MAGOHB: variants seen among roughly 807,000 people sequenced by gnomAD.
MAGOHB encodes mago homolog B, exon junction complex subunit, also known as protein mago nashi homolog 2.
A neutral mutation model predicts 20.9 loss-of-function variants in MAGOHB; 15 were observed. That is an observed-to-expected ratio of 0.72 (90% CI 0.48 to 1.11). The LOEUF (loss-of-function observed/expected upper bound fraction) is 1.11. MAGOHB is among the 50% of genes least tolerant of loss of function. MAGOHB has a pLI of 0.00. For missense variants in MAGOHB, 162 were observed against 177.6 expected, an observed-to-expected ratio of 0.91 and a Z score of 0.50; for synonymous variants, 50 against 57.9, an observed-to-expected ratio of 0.86 and a Z score of 0.62.
At chr12:10,606,768 T>TA (rs564278730) in intron 4 of MAGOHB, among the ~76,000 whole-genome samples, 114 of 145,982 alleles carry the variant, frequency 7.8e-4, no homozygotes, top group East Asian at 9.8e-4. Context: ...CCCACAGCAT[T>TA]AAAAAAAAAA....
intron 4 of MAGOHB, among the ~76,000 whole-genome samples, chr12:10,607,061 T>C (rs573033851): frequency 6.6e-6 from 1 of 152,280 alleles, no homozygotes; most frequent in African/African-American, 2.4e-5. Flanking sequence ...CCTTACCAAA[T>C]GTAGGAAAAG....
At chr12:10,613,250 C>T (rs983048864) in intron 1 of MAGOHB, among the ~76,000 whole-genome samples, 189 bp downstream of exon 1, 3 of 152,182 alleles carry the variant, frequency 2.0e-5, no homozygotes, top group African/African-American at 7.2e-5. Context: ...CAGTTTGTGA[C>T]AGGATTAGCT....
At chr12:10,613,281 C>A (rs975126220) in intron 1 of MAGOHB, among the ~76,000 whole-genome samples, 158 bp downstream of exon 1, 1 of 152,180 alleles carries the variant, frequency 6.6e-6, no homozygotes, top group Non-Finnish European at 1.5e-5. Flanking sequence ...GCAATTAATT[C>A]TCTTTCATTT....
At chr12:10,610,383 T>C (rs1207387005) in intron 2 of MAGOHB, among the ~76,000 whole-genome samples, 1 of 152,106 alleles carries the variant, frequency 6.6e-6, no homozygotes, top group Non-Finnish European at 1.5e-5. Flanking sequence ...TGTCCCTAAA[T>C]CAATAAATCA....
Position 10,612,247 on chromosome 12 carries a change from T to TAACATAACATA in MAGOHB, c.94+1191_94+1192insTATGTTATGTT, listed in dbSNP as rs1555146632. Among the ~76,000 whole-genome samples the TAACATAACATA allele has an allele frequency of 2.8e-3, 395 of 139,060 alleles. 4 individuals are homozygous for TAACATAACATA. The highest frequency in any genetic ancestry group is 9.7e-3 in the African/African-American group (370 of 38,168). 91.2% of individuals were successfully genotyped at this position (139,060 alleles called of 152,430 possible). ...TAACATAACATAACATAACATAACA[T>TAACATAACATA]AATTAGCTGGGTGAGGTGGCGTGGG... On this transcript the variant is annotated intron_variant, in intron 1 of 4. Transcript: ENST00000320756.
In MAGOHB at chr12:10,605,910, G is replaced by A. The variant is rs1865620694; in HGVS notation, c.*365C>T. On this transcript the variant is annotated 3_prime_UTR_variant, in exon 5 of 5. Coordinates refer to ENST00000320756, the MANE Select transcript of MAGOHB (RefSeq NM_018048.5). ...ATCTGGCTACATAGTTCCACCTAAA[G>A]TATCTTCTGTCACAGGATATATCTA... 1 of 153,216 alleles carries A rather than the reference G, an allele frequency of 6.5e-6. No homozygotes were observed. The highest frequency in any genetic ancestry group is 2.4e-5 in the African/African-American group (1 of 41,304). The allele number at this position is 153,216 out of a possible 1,614,324, so 9.5% of individuals were successfully genotyped here.
Position 10,604,467 on chromosome 12 carries a change from G to T in MAGOHB, c.*1808C>A, listed in dbSNP as rs1865589578. On this transcript the variant is annotated 3_prime_UTR_variant, in exon 5 of 5. Transcript: ENST00000320756. ...AGAGCTAAATAAACGAAAACGTAAG[G>T]AAGTTAGAGAACGGGGACAAAGACT... is the stretch of plus-strand genomic sequence containing the variant. 6.6e-6 allele frequency: 1 copy of T among 152,148 alleles called. No homozygotes were observed. Among genetic ancestry groups the T allele is most frequent in the Non-Finnish European group, 1.5e-5 (1 of 68,038 alleles). 9.4% of individuals were successfully genotyped at this position (152,148 alleles called of 1,614,324 possible). A position where few individuals can be genotyped will look rare whatever the true frequency, so the allele number is the denominator to read the frequency against.
At chr12:10,602,762 C>T (rs1353466504), downstream of MAGOHB, among the ~76,000 whole-genome samples, 1 of 152,170 alleles carries the variant, frequency 6.6e-6, no homozygotes, top group Non-Finnish European at 1.5e-5. Flanking sequence ...TTTACTCATT[C>T]CTTTCTGACC....
chr12:10,613,050 C>A, intron 1 of MAGOHB: 1 of 858,142 alleles, frequency 1.2e-6, no homozygotes, highest in South Asian at 1.6e-5. Flanking sequence ...TTGGGCTCCT[C>A]CCCTTCAAAG....
Position 10,606,286 on chromosome 12 carries a change from T to G in MAGOHB, c.436A>C (p.Lys146Gln), listed in dbSNP as rs751788925. 6.6e-7 allele frequency: 1 copy of G among 1,506,438 alleles called. No homozygotes were observed. The highest frequency in any genetic ancestry group is 1.2e-5 in the South Asian group (1 of 81,206). The allele number at this position is 1,506,438 out of a possible 1,614,324, so 93.3% of individuals were successfully genotyped here. The change falls in exon 5 of 5, where the codon AAA becomes CAA. Residue 146 changes from lysine to glutamine, a missense_variant. Physicochemically the swap from Lys to Gln is moderately conservative, Grantham distance 53 (BLOSUM62 1). Transcript: ENST00000320756. The stretch of plus-strand genomic sequence containing the variant: ...TGAAAACATACAATTTAAATTGGTT[T>G]AATCTTGAAGTGTAATCCAATAAGA... Reference protein sequence around the residue: ...FSLIGLHFKIKPI With the variant: ...FSLIGLHFKIQPI
In MAGOHB at chr12:10,613,527, A is replaced by T. The variant is rs374405006; in HGVS notation, c.6T>A (p.Ala2=). ...AGCGCAGGTAGAAATCGCTAGCCAC[A>T]GCCATTTTTGTACCCGGGAAGCCCG... M[A]VASDFYLRYY... Residue 2 remains alanine, a synonymous_variant, in exon 1 of 5, where the codon GCT becomes GCA. Coordinates refer to ENST00000320756, the MANE Select transcript of MAGOHB (RefSeq NM_018048.5). 1 of 1,613,574 alleles carries T rather than the reference A, an allele frequency of 6.2e-7. No homozygotes were observed. The highest frequency in any genetic ancestry group is 8.5e-7 in the Non-Finnish European group (1 of 1,179,508).
At chr12:10,601,811 T>C (rs1466808255), downstream of MAGOHB, among the ~76,000 whole-genome samples, 2 of 152,236 alleles carry the variant, frequency 1.3e-5, no homozygotes, top group Admixed American at 6.5e-5. Flanking sequence ...ACACGCTTCA[T>C]AGGCTAGGAC....
downstream of MAGOHB, among the ~76,000 whole-genome samples, chr12:10,603,323 A>G (rs1865572560): frequency 6.6e-6 from 1 of 151,662 alleles, no homozygotes; most frequent in South Asian, 2.1e-4. Flanking sequence ...CAAAAAAAAA[A>G]AAAAAAAAAA....
intron 1 of MAGOHB, among the ~76,000 whole-genome samples, chr12:10,612,432 A>G (rs1026442): frequency 0.21 from 31,538 of 151,786 alleles, 4,945 homozygotes; most frequent in East Asian, 0.81. Flanking sequence ...GCAGGACTGT[A>G]GTTAACGTGA....
intron 2 of MAGOHB, 128 bp downstream of exon 2, chr12:10,610,494 T>C: frequency 9.0e-7 from 1 of 1,115,324 alleles, no homozygotes; most frequent in Non-Finnish European, 1.2e-6. Flanking sequence ...TCTTTCAATC[T>C]ATAAATTGCC....
chr12:10,600,971 A>G (rs7313116), downstream of MAGOHB, among the ~76,000 whole-genome samples: 10,242 of 152,254 alleles, frequency 0.067, 1,134 homozygotes, highest in African/African-American at 0.23. Context: ...ATTTTACTCA[A>G]TAATGTAGGC....
intron 1 of MAGOHB, among the ~76,000 whole-genome samples, chr12:10,611,285 C>T (rs1389077772): frequency 1.3e-5 from 2 of 152,116 alleles, no homozygotes; most frequent in African/African-American, 4.8e-5. Context: ...AGCATACAAA[C>T]GATGCTTCTG....
At chr12:10,610,897 C>T (rs7953357) in intron 1 of MAGOHB, among the ~76,000 whole-genome samples, 2,315 of 152,204 alleles carry the variant, frequency 0.015, 71 homozygotes, top group African/African-American at 0.053. Context: ...ACAGCCCATG[C>T]CTACAATATA....
At position 10,610,589 on chromosome 12, in the gene MAGOHB, A is replaced by G. The variant is rs773195864; in HGVS notation, c.153+33T>C. On this transcript the variant is annotated intron_variant, in intron 2 of 4. Coordinates refer to ENST00000320756, the MANE Select transcript of MAGOHB (RefSeq NM_018048.5). The stretch of plus-strand genomic sequence containing the variant: ...AATGGGCTAAATGCAAAAAAAAAAA[A>G]AAAAAAAAAAAAGACATTCACATAG... 3.9e-5 allele frequency: 52 copies of G among 1,343,154 alleles called. No homozygotes were observed. The South Asian group carries it at 8.1e-4, about 21-fold the overall frequency. The allele number at this position is 1,343,154 out of a possible 1,614,324, so 83.2% of individuals were successfully genotyped here.
Sources: gnomAD v4.1 joint callset for allele counts (sites outside exome capture counted in the v4.1 genomes callset) on GRCh38, gnomAD v4.1.1 for gene constraint, MANE v1.5 for transcripts, NCBI Gene and HGNC (gene_info 2026-07-23, HGNC 2026-07-21) for gene names.